The following CAMKMT variants were observed in gnomAD, a reference collection of about 807,000 sequenced individuals.
The protein encoded by CAMKMT is CaM KMT.
Under a neutral mutation model 48.0 loss-of-function variants are expected in CAMKMT, and 53 were observed. The ratio of observed to expected loss-of-function variants is 1.10; its 90% CI spans 0.89 to 1.39. CAMKMT has a LOEUF of 1.39. Ranked by LOEUF, CAMKMT falls within the 40% of genes most tolerant of loss-of-function variation. CAMKMT has a pLI of 0.00. For synonymous variants in CAMKMT, 165 were observed against 152.3 expected, an observed-to-expected ratio of 1.08 and a Z score of -0.61; for missense variants, 428 against 402.7, an observed-to-expected ratio of 1.06 and a Z score of -0.54.
chr2:44,376,416 T>C (rs1558551228), intron 2 of CAMKMT, among the ~76,000 whole-genome samples: 2 of 136,770 alleles, frequency 1.5e-5, no homozygotes, highest in Admixed American at 7.2e-5. Context: ...TGAGACTCTG[T>C]ATCAAAAAAA....
intron 3 of CAMKMT, among the ~76,000 whole-genome samples, chr2:44,564,599 G>T (rs1475579837): frequency 6.6e-6 from 1 of 151,924 alleles, no homozygotes; most frequent in Non-Finnish European, 1.5e-5. Flanking sequence ...GGAAGCTGGA[G>T]TGCAGTGTGG....
At chr2:44,444,464 G>A (rs1259057550) in intron 3 of CAMKMT, among the ~76,000 whole-genome samples, 1 of 152,168 alleles carries the variant, frequency 6.6e-6, no homozygotes, top group Non-Finnish European at 1.5e-5. Flanking sequence ...TCAAGGCCAT[G>A]GTTAGGTTAG....
chr2:44,404,026 T>G (rs1421658924), intron 3 of CAMKMT, among the ~76,000 whole-genome samples: 1 of 152,180 alleles, frequency 6.6e-6, no homozygotes, highest in East Asian at 1.9e-4. Flanking sequence ...CTTTTTAATT[T>G]AATATACCAT....
chr2:44,700,419 T>C (rs1240469030), intron 3 of CAMKMT, among the ~76,000 whole-genome samples: 1 of 152,224 alleles, frequency 6.6e-6, no homozygotes, highest in Non-Finnish European at 1.5e-5. Context: ...CTATCTCAGC[T>C]TTCAACATGC....
At chr2:44,486,591 G>A (rs1236420387) in intron 3 of CAMKMT, among the ~76,000 whole-genome samples, 1 of 152,192 alleles carries the variant, frequency 6.6e-6, no homozygotes, top group Non-Finnish European at 1.5e-5. Flanking sequence ...GGTTCTTCGG[G>A]CTGTGGTTCT....
chr2:44,683,153 G>A (rs1245607216), intron 3 of CAMKMT, among the ~76,000 whole-genome samples: 1 of 152,016 alleles, frequency 6.6e-6, no homozygotes, highest in African/African-American at 2.4e-5. Flanking sequence ...CCACCAGCCA[G>A]TGTATTGGAG....
chr2:44,520,480 A>G (rs1671050823), intron 3 of CAMKMT, among the ~76,000 whole-genome samples: 2 of 152,150 alleles, frequency 1.3e-5, no homozygotes, highest in Admixed American at 1.3e-4. Flanking sequence ...TTAAGTGGTT[A>G]TATCATCATG....
At chr2:44,452,562 A>G (rs1667348024) in intron 3 of CAMKMT, among the ~76,000 whole-genome samples, 1 of 152,134 alleles carries the variant, frequency 6.6e-6, no homozygotes, top group African/African-American at 2.4e-5. Flanking sequence ...CTTCCCTGAA[A>G]TCTTTCATGG....
At chr2:44,636,623 C>T (rs376854589) in intron 3 of CAMKMT, among the ~76,000 whole-genome samples, 3 of 152,090 alleles carry the variant, frequency 2.0e-5, no homozygotes, top group East Asian at 1.9e-4. Context: ...GAACTTCCAA[C>T]GGTTCTTTTA....
intron 3 of CAMKMT, among the ~76,000 whole-genome samples, chr2:44,558,939 T>C (rs769817206): frequency 6.8e-5 from 9 of 132,634 alleles, no homozygotes; most frequent in Non-Finnish European, 1.5e-4. Context: ...AAAATAAAAG[T>C]CTGGAAAATG....
chr2:44,592,678 CAT>C (rs1670370746), intron 3 of CAMKMT, among the ~76,000 whole-genome samples: 1 of 152,142 alleles, frequency 6.6e-6, no homozygotes, highest in African/African-American at 2.4e-5. Flanking sequence ...TAGGAAAAAA[CAT>C]AGTATATACA....
intron 3 of CAMKMT, among the ~76,000 whole-genome samples, chr2:44,476,122 C>T (rs1440436877): frequency 6.6e-6 from 1 of 152,074 alleles, no homozygotes; most frequent in Non-Finnish European, 1.5e-5. Context: ...GCCTTTTGTC[C>T]TCAGGGTAGC....
intron 3 of CAMKMT, among the ~76,000 whole-genome samples, chr2:44,549,255 G>T (rs765110427): frequency 6.6e-6 from 1 of 152,124 alleles, no homozygotes; most frequent in African/African-American, 2.4e-5. Flanking sequence ...TACCAGCTCT[G>T]TCCACTTCTT....
At chr2:44,726,848 A>G (rs1005493381) in intron 7 of CAMKMT, among the ~76,000 whole-genome samples, 1 of 152,184 alleles carries the variant, frequency 6.6e-6, no homozygotes, top group African/African-American at 2.4e-5. Context: ...TTAGCCAGTT[A>G]TCTCAGCACC....
intron 3 of CAMKMT, among the ~76,000 whole-genome samples, chr2:44,531,455 A>G (rs532170871): frequency 3.3e-4 from 50 of 152,202 alleles, no homozygotes; most frequent in Non-Finnish European, 6.3e-4. Context: ...CTGGCTGACA[A>G]CCACAACTGA....
chr2:44,653,536 C>T lies in CAMKMT; in HGVS notation c.377-50747C>T, dbSNP rs1213148975. ...TTGTAGCAGAGCTAGGACTAGACTT[C>T]ACCTCTTTAGAGCCCATTTCTCTTA... On this transcript the variant is annotated intron_variant, in intron 3 of 10. Coordinates refer to ENST00000378494, the MANE Select transcript of CAMKMT (RefSeq NM_024766.5). This position sits in a 1 kb window ranked among gnomAD's most constrained non-coding sequence, Gnocchi z 5.2. 6.6e-6 allele frequency among the ~76,000 whole-genome samples: 1 copy of T among 152,158 alleles called. No homozygotes were observed. Among genetic ancestry groups the T allele is most frequent in the Non-Finnish European group, 1.5e-5 (1 of 68,030 alleles).
chr2:44,596,820 A>G (rs557410589), intron 3 of CAMKMT, among the ~76,000 whole-genome samples: 1 of 152,296 alleles, frequency 6.6e-6, no homozygotes, highest in African/African-American at 2.4e-5. Context: ...TAAAAATTCT[A>G]AGGTTTACTC....
At chr2:44,715,236 T>A in intron 6 of CAMKMT, 51 bp from the exon 7 acceptor site, 1 of 1,259,788 alleles carries the variant, frequency 7.9e-7, no homozygotes, top group Non-Finnish European at 1.1e-6. Flanking sequence ...GGACCTTTTT[T>A]TTTGGTCACT....
intron 7 of CAMKMT, among the ~76,000 whole-genome samples, chr2:44,733,807 C>T (rs1311088396): frequency 3.9e-5 from 6 of 152,052 alleles, no homozygotes; most frequent in Non-Finnish European, 7.4e-5. Context: ...GATCATGATG[C>T]ATTGCCATAT....
Sources: allele counts gnomAD v4.1 joint callset (sites outside exome capture counted in the v4.1 genomes callset), GRCh38; gene constraint gnomAD v4.1.1; non-coding constraint Gnocchi (gnomAD v3.1); transcripts MANE v1.5; gene names NCBI Gene and HGNC (gene_info 2026-07-23, HGNC 2026-07-21).